Variants in PIBF1 observed in about 807,000 individuals in gnomAD.
PIBF1 encodes the protein progesterone-induced-blocking factor 1.
Under a neutral mutation model 112.5 loss-of-function variants are expected in PIBF1, and 90 were observed. That is an observed-to-expected ratio of 0.80 (90% CI 0.67 to 0.95). The LOEUF (loss-of-function observed/expected upper bound fraction) is 0.95. Ranked by LOEUF, PIBF1 falls within the 40% of genes least tolerant of loss-of-function variation. The probability of loss-of-function intolerance (pLI) is 0.00; values close to 1 mark genes in which losing one functional copy is unlikely to be tolerated. For missense variants in PIBF1, 915 were observed against 852.3 expected, an observed-to-expected ratio of 1.07 and a Z score of -0.92; for synonymous variants, 301 against 288.6, an observed-to-expected ratio of 1.04 and a Z score of -0.44.
intron 13 of PIBF1, among the ~76,000 whole-genome samples, chr13:72,922,083 G>A (rs1191206912): frequency 6.6e-6 from 1 of 152,082 alleles, no homozygotes; most frequent in Non-Finnish European, 1.5e-5. Flanking sequence ...GGGCTGAAGT[G>A]ATCCTCCTTT....
chr13:72,912,850 G>C (rs1237757166), intron 12 of PIBF1, among the ~76,000 whole-genome samples: 1 of 151,616 alleles, frequency 6.6e-6, no homozygotes, highest in Non-Finnish European at 1.5e-5. Flanking sequence ...ATATAATATA[G>C]TATGATTATA....
chr13:72,920,552 C>T (rs550731549), intron 13 of PIBF1, among the ~76,000 whole-genome samples: 16 of 152,270 alleles, frequency 1.1e-4, no homozygotes, highest in East Asian at 1.9e-4. Flanking sequence ...GGTGGCTTTG[C>T]GCTCTTTTTA....
chr13:72,998,809 C>A lies in PIBF1; in HGVS notation c.2050-13C>A. The A allele has an allele frequency of 6.3e-7, 1 of 1,598,342 alleles. No homozygotes were observed. Among genetic ancestry groups the A allele is most frequent in the South Asian group, 1.1e-5 (1 of 89,078 alleles). On this transcript the variant is annotated splice_polypyrimidine_tract_variant and intron_variant, in intron 16 of 17. Transcript: ENST00000326291. The stretch of plus-strand genomic sequence containing the variant: ...CACTCTTGCTACTTTCTTCTGTTTT[C>A]ATATATCAACAGGAATTGGCAGCAA...
chr13:72,979,616 T>G (rs957718367), intron 16 of PIBF1, among the ~76,000 whole-genome samples: 4 of 152,008 alleles, frequency 2.6e-5, no homozygotes, highest in Admixed American at 2.6e-4. Context: ...ATGGACCGAT[T>G]TGAAAGCTAT....
At chr13:72,948,938 G>A (rs962952815) in intron 14 of PIBF1, among the ~76,000 whole-genome samples, 7 of 152,148 alleles carry the variant, frequency 4.6e-5, no homozygotes, top group African/African-American at 1.7e-4. Flanking sequence ...GGGATTATGG[G>A]AACTACAGTT....
intron 16 of PIBF1, among the ~76,000 whole-genome samples, chr13:72,993,725 G>A (rs111286912): frequency 4.6e-4 from 64 of 138,332 alleles, no homozygotes; most frequent in African/African-American, 1.6e-3. Flanking sequence ...TAGCCTGGGC[G>A]ACAGAGCGAG....
chr13:72,821,979 A>G lies in PIBF1; in HGVS notation c.803A>G (p.Lys268Arg). The G allele has an allele frequency of 6.2e-7, 1 of 1,607,004 alleles. No individual in the cohort carries two copies. The highest frequency in any genetic ancestry group is 8.5e-7 in the Non-Finnish European group (1 of 1,177,090). Residue 268 changes from lysine to arginine, a missense_variant, in exon 6 of 18, where the codon AAG (lysine) becomes AGG (arginine). Physicochemically the swap from Lys to Arg is conservative, Grantham distance 26 (BLOSUM62 2). Transcript: ENST00000326291. ...DYRQENYDKV[K>R]SERDALEQEV... ...CGTCAAGAGAACTATGATAAAGTCA[A>G]GAGGTAAGTAGTTAAAATGGCTGCA...
intron 11 of PIBF1, among the ~76,000 whole-genome samples, chr13:72,896,584 G>A (rs1374426794): frequency 6.6e-6 from 1 of 151,998 alleles, no homozygotes; most frequent in African/African-American, 2.4e-5. Flanking sequence ...AATATTCAAG[G>A]AAATAGCTAA....
intron 11 of PIBF1, among the ~76,000 whole-genome samples, chr13:72,897,759 A>G (rs191568673): frequency 6.6e-6 from 1 of 152,330 alleles, no homozygotes. Context: ...CCAACAGGAA[A>G]ATATCACAAT....
At position 72,792,445 on chromosome 13, in the gene PIBF1, A is replaced by C; in HGVS notation, c.253-2A>C. On this transcript the variant is annotated splice_acceptor_variant, in intron 2 of 17. Coordinates refer to ENST00000326291, the MANE Select transcript of PIBF1 (RefSeq NM_006346.4). LOFTEE classifies it high-confidence loss of function. ...ATAATTTATCTTTTTCTCTTTACGAAGATTGAAGAATTGGAGGAGAAACTT... is the reference window on the plus strand; with the variant it reads ...ATAATTTATCTTTTTCTCTTTACGACGATTGAAGAATTGGAGGAGAAACTT... 6.6e-7 allele frequency: 1 copy of C among 1,508,134 alleles called. No individual in the cohort carries two copies. The highest frequency in any genetic ancestry group is 9.0e-7 in the Non-Finnish European group (1 of 1,111,862). The allele number at this position is 1,508,134 out of a possible 1,614,324, so 93.4% of individuals were successfully genotyped here.
intron 5 of PIBF1, among the ~76,000 whole-genome samples, chr13:72,806,094 TTATTTTCATGTATACAATTCAG>T (rs1463861325): frequency 2.0e-5 from 3 of 152,218 alleles, no homozygotes; most frequent in African/African-American, 7.2e-5. Context: ...ATTTAAGACT[TTATTTTCATGTATACAATTCAG>T]TAAAGAATAC....
intron 8 of PIBF1, among the ~76,000 whole-genome samples, chr13:72,831,492 A>ATCTT (rs200693348): frequency 0.015 from 2,267 of 152,264 alleles, 61 homozygotes; most frequent in African/African-American, 0.051. Flanking sequence ...TTCAAAGAAC[A>ATCTT]TCTTTATTTC....
intron 5 of PIBF1, among the ~76,000 whole-genome samples, chr13:72,804,559 G>T (rs2035631607): frequency 6.6e-6 from 1 of 152,116 alleles, no homozygotes. Flanking sequence ...AGAGGGGAGG[G>T]AGAAAGAGAG....
chr13:72,975,290 A>G (rs1306167843), intron 16 of PIBF1, among the ~76,000 whole-genome samples: 14 of 152,118 alleles, frequency 9.2e-5, no homozygotes, highest in Non-Finnish European at 5.9e-5. Context: ...TCCTGACCTC[A>G]AGTGATCTGC....
Position 72,835,291 on chromosome 13 carries a change from A to G in PIBF1, c.1146A>G (p.Glu382=). The G allele has an allele frequency of 4.4e-6, 7 of 1,598,184 alleles. No individual in the cohort carries two copies. The highest frequency in any genetic ancestry group is 1.3e-5 in the African/African-American group (1 of 74,248). The change falls in exon 9 of 18, where the codon GAA becomes GAG. Residue 382 remains glutamate, a synonymous_variant. Transcript: ENST00000326291. ...AAAATAAACTACATGATGAACTAGA[A>G]CAAATCAGATTGAAAACCAACCAAG... ...EYENKLHDEL[E]QIRLKTNQEI... is the part of the protein sequence containing the mutation.
chr13:72,998,353 G>C (rs146892488), intron 16 of PIBF1, among the ~76,000 whole-genome samples: 5 of 152,006 alleles, frequency 3.3e-5, no homozygotes, highest in Non-Finnish European at 7.4e-5. Flanking sequence ...GCATGCGCCT[G>C]TAGTCCCAGC....
At chr13:72,842,702 A>C (rs35482126) in intron 9 of PIBF1, among the ~76,000 whole-genome samples, 3,341 of 152,158 alleles carry the variant, frequency 0.022, 136 homozygotes, top group African/African-American at 0.076. Context: ...AAACAAACAA[A>C]CTTCTTTTGT....
At chr13:72,832,016 T>C (rs571379937) in intron 8 of PIBF1, among the ~76,000 whole-genome samples, 1 of 151,526 alleles carries the variant, frequency 6.6e-6, no homozygotes, top group Non-Finnish European at 1.5e-5. Context: ...TTATTCTCCT[T>C]TGATCTTTGT....
At chr13:72,840,352 T>A (rs145626178) in intron 9 of PIBF1, among the ~76,000 whole-genome samples, 2 of 152,240 alleles carry the variant, frequency 1.3e-5, no homozygotes, top group African/African-American at 4.8e-5. Flanking sequence ...GTTTACACAT[T>A]TAAGGTTGTG....
Sources: allele counts gnomAD v4.1 joint callset (sites outside exome capture counted in the v4.1 genomes callset), GRCh38; gene constraint gnomAD v4.1.1; transcripts MANE v1.5; gene names NCBI Gene and HGNC (gene_info 2026-07-23, HGNC 2026-07-21).